RADX: variants seen among roughly 807,000 people sequenced by gnomAD.
The protein encoded by RADX is RPA1 related single stranded DNA binding protein, X-linked, also known as RPA-related protein RADX.
RADX carries 36 observed loss-of-function variants against 61.6 expected under a neutral mutation model. That is an observed-to-expected ratio of 0.58 (90% CI 0.45 to 0.77). RADX has a LOEUF of 0.77. RADX is among the 30% of genes least tolerant of loss of function. RADX has a pLI of 0.00. For synonymous variants in RADX, 272 were observed against 237.9 expected, an observed-to-expected ratio of 1.14 and a Z score of -1.32; for missense variants, 497 against 651.1, an observed-to-expected ratio of 0.76 and a Z score of 2.58.
intron 11 of RADX, among the ~76,000 whole-genome samples, chrX:106,650,219 C>T (rs980869075): frequency 9.0e-6 from 1 of 111,016 alleles, no homozygotes; most frequent in Non-Finnish European, 1.9e-5. Flanking sequence ...AGTGGAATCC[C>T]AGACCTGTGC....
intron 8 of RADX, among the ~76,000 whole-genome samples, chrX:106,639,043 G>T (rs1188810512): frequency 2.7e-5 from 3 of 111,620 alleles, no homozygotes; most frequent in Non-Finnish European, 3.8e-5. Context: ...ATTAATATAT[G>T]ACAGTTGAAA....
intron 11 of RADX, among the ~76,000 whole-genome samples, chrX:106,657,677 C>T (rs1484592709): frequency 9.0e-6 from 1 of 111,080 alleles, no homozygotes; most frequent in Non-Finnish European, 1.9e-5. Context: ...AGTAGGGAGA[C>T]TTGAGGAAAA....
At chrX:106,640,455 T>C in intron 9 of RADX, 97 bp from the exon 10 acceptor site, 2 of 570,650 alleles carry the variant, frequency 3.5e-6, no homozygotes, top group Non-Finnish European at 5.4e-6. Flanking sequence ...GCCAGAACTG[T>C]TGATTATGAA....
rs768630353 is a variant in RADX at position 106,637,863 on chromosome X, T to G, written c.1512T>G (p.Gly504=). The G allele has an allele frequency of 8.3e-7, 1 of 1,205,085 alleles. No individual in the cohort carries two copies. Among genetic ancestry groups the G allele is most frequent in the Non-Finnish European group, 1.1e-6 (1 of 891,027 alleles). Residue 504 remains glycine, a synonymous_variant, in exon 8 of 14, where the codon GGT becomes GGG. Transcript: ENST00000372548. ...DSGEQKNMVI[G]GYYPYPPVPE... ...GGGAACAGAAGAATATGGTTATTGG[T>G]GGATATTACCCCTATCCACCAGTGC...
chrX:106,675,850 A>G (rs1182972301), intron 13 of RADX, among the ~76,000 whole-genome samples: 1 of 112,115 alleles, frequency 8.9e-6, no homozygotes, highest in Non-Finnish European at 1.9e-5. Flanking sequence ...TTCCTTAAGT[A>G]AAGATTATCA....
At chrX:106,660,227 GT>G (rs756328648) in intron 11 of RADX, among the ~76,000 whole-genome samples, 7 of 111,695 alleles carry the variant, frequency 6.3e-5, no homozygotes, top group Non-Finnish European at 1.1e-4. Context: ...GTGTGACTAA[GT>G]TTTTTATCCC....
intron 1 of RADX, among the ~76,000 whole-genome samples, chrX:106,620,042 T>C (rs1926904903): frequency 8.9e-6 from 1 of 111,815 alleles, no homozygotes; most frequent in Admixed American, 9.5e-5. Context: ...TCAAAGCTAT[T>C]TTCACAATAC....
In RADX at chrX:106,632,569, G is replaced by A. The variant is rs774449438; in HGVS notation, c.980-56G>A. On this transcript the variant is annotated intron_variant, in intron 3 of 13. Coordinates refer to ENST00000372548, the MANE Select transcript of RADX (RefSeq NM_018015.6). Reference sequence around the variant, plus strand: ...ATTTTGCTTTTTAATATATATTCATGTATATTCTTTGGTGTGTATTAAATA... The same window carrying A: ...ATTTTGCTTTTTAATATATATTCATATATATTCTTTGGTGTGTATTAAATA... 6 of 777,533 alleles carry A rather than the reference G, an allele frequency of 7.7e-6. No homozygotes were observed. In the African/African-American group the frequency reaches 1.1e-4, roughly 14 times the overall value. The allele number at this position is 777,533 out of a possible 1,213,427, so 64.1% of individuals were successfully genotyped here.
chrX:106,645,805 G>C (rs1411166227), intron 10 of RADX, among the ~76,000 whole-genome samples: 1 of 111,273 alleles, frequency 9.0e-6, no homozygotes, highest in Non-Finnish European at 1.9e-5. Context: ...ATATTTCTTT[G>C]TTGATTTTCT....
chrX:106,666,999 A>T (rs1928243229), intron 12 of RADX, among the ~76,000 whole-genome samples: 1 of 112,434 alleles, frequency 8.9e-6, no homozygotes, highest in African/African-American at 3.2e-5. Flanking sequence ...CTGGGCAGCT[A>T]CTGTGTGCCT....
chrX:106,635,778 A>G (rs1164176766), intron 6 of RADX, among the ~76,000 whole-genome samples: 1 of 112,240 alleles, frequency 8.9e-6, no homozygotes, highest in African/African-American at 3.2e-5. Context: ...GTTTTGACAT[A>G]TAATGAGTTA....
chrX:106,630,824 G>C (rs76027614), intron 3 of RADX, among the ~76,000 whole-genome samples: 226 of 111,122 alleles, frequency 2.0e-3, no homozygotes, highest in African/African-American at 7.1e-3. Flanking sequence ...TAGTACCTGG[G>C]TGACAAAATA....
intron 13 of RADX, among the ~76,000 whole-genome samples, chrX:106,672,046 C>T (rs998894875): frequency 4.5e-5 from 5 of 111,653 alleles, no homozygotes; most frequent in Non-Finnish European, 9.4e-5. Context: ...AGGCATCACT[C>T]AGGTCAAGAC....
chrX:106,660,520 G>A (rs914392548), intron 11 of RADX, among the ~76,000 whole-genome samples: 18 of 112,028 alleles, frequency 1.6e-4, no homozygotes, highest in African/African-American at 5.2e-4. Flanking sequence ...TGCTATTGCA[G>A]CCACCTTCTG....
At chrX:106,625,500 A>G (rs1927055006) in intron 3 of RADX, among the ~76,000 whole-genome samples, 1 of 111,534 alleles carries the variant, frequency 9.0e-6, no homozygotes, top group Non-Finnish European at 1.9e-5. Flanking sequence ...TGAGACATTT[A>G]TTGTTGATTG....
intron 2 of RADX, among the ~76,000 whole-genome samples, chrX:106,624,185 A>G (rs1335807235): frequency 8.9e-6 from 1 of 111,812 alleles, no homozygotes; most frequent in African/African-American, 3.3e-5. Context: ...GATTCAGTTC[A>G]GTGCTTACCT....
At chrX:106,626,724 A>G (rs778408836) in intron 3 of RADX, among the ~76,000 whole-genome samples, 16 of 112,317 alleles carry the variant, frequency 1.4e-4, no homozygotes, top group South Asian at 1.1e-3. Flanking sequence ...GGTCTTTAAA[A>G]CAGTTTTACT....
chrX:106,658,713 C>A (rs141228430), intron 11 of RADX, among the ~76,000 whole-genome samples: 16 of 111,614 alleles, frequency 1.4e-4, no homozygotes, highest in Non-Finnish European at 2.4e-4. Context: ...ATAACTTTGG[C>A]TTTTTAGATG....
Position 106,657,992 on chromosome X carries a change from A to G in RADX, c.1979-4023A>G, listed in dbSNP as rs746124805. On this transcript the variant is annotated intron_variant, in intron 11 of 13. Coordinates refer to ENST00000372548, the MANE Select transcript of RADX (RefSeq NM_018015.6). ...GACCTTCAATTTGCAAAAAAATGCAATATCTGTGAAGCACAATAAAGTGCA... is the reference window on the plus strand; with the variant it reads ...GACCTTCAATTTGCAAAAAAATGCAGTATCTGTGAAGCACAATAAAGTGCA... Among the ~76,000 whole-genome samples, 133 of 111,962 alleles carry G rather than the reference A, an allele frequency of 1.2e-3. 1 individual carries two copies. The highest frequency in any genetic ancestry group is 4.1e-3 in the African/African-American group (127 of 30,912).
Sources: gnomAD v4.1 joint callset for allele counts (sites outside exome capture counted in the v4.1 genomes callset) on GRCh38, gnomAD v4.1.1 for gene constraint, MANE v1.5 for transcripts, NCBI Gene and HGNC (gene_info 2026-07-23, HGNC 2026-07-21) for gene names.